The following VMP1 variants were observed in gnomAD, a reference collection of about 807,000 sequenced individuals.
The protein encoded by VMP1 is vacuole membrane protein 1, also known as ectopic P-granules autophagy protein 3 homolog.
In VMP1, 11 loss-of-function variants were observed where a neutral mutation model predicts 56.0. The observed-to-expected ratio is 0.20, with a 90% confidence interval of 0.12 to 0.32. The LOEUF is 0.32. Among genes scored for constraint, VMP1 ranks in the 10% least tolerant of loss-of-function variants. The pLI, the probability that VMP1 is intolerant of heterozygous loss-of-function variation, is 1.00. For missense variants in VMP1, 296 were observed against 490.3 expected (o/e 0.60, Z 3.74); for synonymous variants, 149 against 165.0 (o/e 0.90, Z 0.74).
chr17:59,735,520 A>G lies in VMP1; in HGVS notation c.212+47A>G, dbSNP rs779916529. The G allele has an allele frequency of 3.8e-6, 6 of 1,596,782 alleles. No homozygotes were observed. The South Asian group carries it at 5.6e-5, about 15-fold the overall frequency. Reference sequence around the variant, plus strand: ...CCTTTTACATACACCTCATTTACTCATTTAAAAAATCCTCAGTAATCTCTT... The same window carrying G: ...CCTTTTACATACACCTCATTTACTCGTTTAAAAAATCCTCAGTAATCTCTT... On this transcript the variant is annotated intron_variant, in intron 3 of 11. Coordinates refer to ENST00000262291, the MANE Select transcript of VMP1 (RefSeq NM_030938.5).
intron 9 of VMP1, among the ~76,000 whole-genome samples, chr17:59,812,691 G>T (rs895387622): frequency 1.3e-5 from 2 of 152,168 alleles, no homozygotes; most frequent in Non-Finnish European, 2.9e-5. Context: ...CCAGCACTTT[G>T]GGAGGCTGAA....
rs531021464 is a variant in VMP1 at position 59,737,984 on chromosome 17, C to T, written c.303+441C>T. The stretch of plus-strand genomic sequence containing the variant: ...ATGGGGTTTTGCCATGTTGGCCAGG[C>T]TGGTCTCAAACTCCTGACCTCAGGT... On this transcript the variant is annotated intron_variant, in intron 4 of 11. Transcript: ENST00000262291. Among the ~76,000 whole-genome samples, 9 of 152,146 alleles carry T rather than the reference C, an allele frequency of 5.9e-5. No homozygotes were observed. In the East Asian group the frequency reaches 7.7e-4, roughly 13 times the overall value.
At chr17:59,775,142 C>T (rs968919159) in intron 7 of VMP1, among the ~76,000 whole-genome samples, 4 of 151,894 alleles carry the variant, frequency 2.6e-5, no homozygotes, top group African/African-American at 9.7e-5. Context: ...GACGGGGTTT[C>T]ACCATGTTAG....
At chr17:59,797,655 TC>T (rs1292838143) in intron 7 of VMP1, among the ~76,000 whole-genome samples, 2 of 152,184 alleles carry the variant, frequency 1.3e-5, no homozygotes, top group Non-Finnish European at 2.9e-5. Flanking sequence ...GGCAGGCAGA[TC>T]ACCTGAGGTC....
chr17:59,837,062 G>A (rs572615442), intron 10 of VMP1, among the ~76,000 whole-genome samples: 25 of 152,040 alleles, frequency 1.6e-4, no homozygotes, highest in African/African-American at 6.0e-4. Flanking sequence ...AAATAGCCAG[G>A]CATGGTGACA....
At chr17:59,769,130 A>G (rs554040918) in intron 6 of VMP1, among the ~76,000 whole-genome samples, 7 of 142,574 alleles carry the variant, frequency 4.9e-5, no homozygotes, top group African/African-American at 1.8e-4. Flanking sequence ...CCAAAAAAAT[A>G]TAAATAAATA....
intron 1 of VMP1, among the ~76,000 whole-genome samples, chr17:59,723,858 A>G (rs1447971406): frequency 6.6e-6 from 1 of 152,202 alleles, no homozygotes. Flanking sequence ...TGAAGTGTAA[A>G]TATTTTAGTA....
intron 7 of VMP1, among the ~76,000 whole-genome samples, chr17:59,781,715 A>G (rs937877156): frequency 6.6e-6 from 1 of 152,156 alleles, no homozygotes; most frequent in African/African-American, 2.4e-5. Flanking sequence ...AAGTAAGTTT[A>G]TTATAATGAA....
At chr17:59,770,392 ATTGTTGT>A (rs754151108) in intron 6 of VMP1, among the ~76,000 whole-genome samples, 61 of 152,262 alleles carry the variant, frequency 4.0e-4, no homozygotes, top group Non-Finnish European at 6.3e-4. Context: ...AATAGTTTAT[ATTGTTGT>A]ATCTATACCC....
At chr17:59,788,804 TAA>T (rs10640460) in intron 7 of VMP1, among the ~76,000 whole-genome samples, 19 of 138,560 alleles carry the variant, frequency 1.4e-4, no homozygotes, top group Admixed American at 1.5e-4. Context: ...AGACTCCATC[TAA>T]AAAAAAAAAA....
rs778921230 is a variant in VMP1, at chr17:59,735,372, G to A, written c.111G>A (p.Glu37=). 2 of 1,614,108 alleles carry A rather than the reference G, an allele frequency of 1.2e-6. No homozygotes were observed. Among genetic ancestry groups the A allele is most frequent in the South Asian group, 1.1e-5 (1 of 91,084 alleles). The stretch of plus-strand genomic sequence containing the variant: ...CAGTGAATGAAAAGAAGAGGAGGGA[G>A]CGGGAAGAAAGGCAGAATATTGTCC... ...PSSVNEKKRR[E]REERQNIVLW... is the part of the protein sequence containing the mutation. The change falls in exon 3 of 12, where the codon GAG becomes GAA. Residue 37 remains glutamate (E), a synonymous_variant. Coordinates refer to ENST00000262291, the MANE Select transcript of VMP1 (RefSeq NM_030938.5).
At chr17:59,772,553 A>C (rs549485598) in intron 6 of VMP1, among the ~76,000 whole-genome samples, 1 of 151,492 alleles carries the variant, frequency 6.6e-6, no homozygotes, top group Non-Finnish European at 1.5e-5. Context: ...TGAATCACCT[A>C]AAGTCAGGAG....
intron 7 of VMP1, among the ~76,000 whole-genome samples, chr17:59,775,066 C>T (rs1218174557): frequency 6.6e-6 from 1 of 152,010 alleles, no homozygotes; most frequent in Non-Finnish European, 1.5e-5. Context: ...CTCAGCCTCC[C>T]GAGTAGCTGG....
At chr17:59,752,108 C>T (rs987519702) in intron 5 of VMP1, among the ~76,000 whole-genome samples, 23 of 152,184 alleles carry the variant, frequency 1.5e-4, no homozygotes, top group African/African-American at 3.9e-4. Flanking sequence ...CCACTGTATC[C>T]GGCCTCACTT....
At chr17:59,728,317 C>G (rs1021869170) in intron 1 of VMP1, among the ~76,000 whole-genome samples, 6 of 152,134 alleles carry the variant, frequency 3.9e-5, no homozygotes, top group Non-Finnish European at 8.8e-5. Flanking sequence ...TCTAGCATGA[C>G]TCTTGGCACA....
At chr17:59,744,605 C>A in intron 5 of VMP1, among the ~76,000 whole-genome samples, 1 of 132,416 alleles carries the variant, frequency 7.6e-6, no homozygotes, top group African/African-American at 2.9e-5. Flanking sequence ...GCCAGGGCAA[C>A]ATAATGAGAC....
At chr17:59,799,438 A>G (rs1272950541) in intron 7 of VMP1, among the ~76,000 whole-genome samples, 1 of 152,022 alleles carries the variant, frequency 6.6e-6, no homozygotes, top group Admixed American at 6.6e-5. Flanking sequence ...TAGTTACACA[A>G]CTCAGTTCTC....
At chr17:59,822,737 A>G (rs2144281861) in intron 10 of VMP1, among the ~76,000 whole-genome samples, 1 of 152,296 alleles carries the variant, frequency 6.6e-6, no homozygotes, top group Middle Eastern at 3.4e-3. Flanking sequence ...ACCCAAATAT[A>G]TGATTTCATA....
chr17:59,764,824 T>C, intron 5 of VMP1, 147 bp from the exon 6 acceptor site: 1 of 548,806 alleles, frequency 1.8e-6, no homozygotes, highest in Non-Finnish European at 2.8e-6. Flanking sequence ...TTCATATTAC[T>C]AACTGCATCT....
Sources: gnomAD v4.1 joint callset for allele counts (sites outside exome capture counted in the v4.1 genomes callset) on GRCh38, gnomAD v4.1.1 for gene constraint, MANE v1.5 for transcripts, NCBI Gene and HGNC (gene_info 2026-07-23, HGNC 2026-07-21) for gene names.